The following SLC66A2 variants were observed in gnomAD, a reference collection of about 807,000 sequenced individuals.
The protein encoded by SLC66A2 is solute carrier family 66 member 2, also known as PQ loop repeat containing 1.
In SLC66A2, 23 loss-of-function variants were observed where a neutral mutation model predicts 25.5. The ratio of observed to expected loss-of-function variants is 0.90; its 90% CI spans 0.65 to 1.28. The LOEUF (loss-of-function observed/expected upper bound fraction) is 1.28. SLC66A2 is among the 50% of genes most tolerant of loss of function. SLC66A2 has a pLI of 0.00. For missense variants in SLC66A2, 396 were observed against 373.1 expected (o/e 1.06, Z -0.51); for synonymous variants, 193 against 166.5 (o/e 1.16, Z -1.23).
At chr18:79,933,616 A>G (rs1180399297) in intron 4 of SLC66A2, among the ~76,000 whole-genome samples, 1 of 152,240 alleles carries the variant, frequency 6.6e-6, no homozygotes, top group Non-Finnish European at 1.5e-5. Context: ...AACTGAAATT[A>G]AGAAAACAAT....
At position 79,919,587 on chromosome 18, in the gene SLC66A2, CG is replaced by C. The variant is rs59020604; in HGVS notation, c.392-188del. ...AGAGGTCAAGGTCAGTGAGGAGAGA[CG>C]GGAACCGAGGGAGAGGTCAAGGTCA... On this transcript the variant is annotated intron_variant, in intron 4 of 5. Transcript: ENST00000397778. 5.0e-4 allele frequency among the ~76,000 whole-genome samples: 3 copies of C among 6,012 alleles called. 1 individual carries two copies. The highest frequency in any genetic ancestry group is 5.3e-4 in the African/African-American group (3 of 5,712). 3.9% of individuals were successfully genotyped at this position (6,012 alleles called of 152,430 possible).
intron 4 of SLC66A2, among the ~76,000 whole-genome samples, chr18:79,922,857 A>G (rs1599571310): frequency 2.8e-4 from 2 of 7,066 alleles, no homozygotes; most frequent in African/African-American, 1.5e-3. Flanking sequence ...TGGTGAGGTT[A>G]GGGGGGCTTG....
intron 5 of SLC66A2, among the ~76,000 whole-genome samples, chr18:79,912,921 G>A (rs1983452115): frequency 6.6e-6 from 1 of 152,168 alleles, no homozygotes; most frequent in African/African-American, 2.4e-5. Context: ...ATAAGGAAAG[G>A]CACAGTGGGT....
At chr18:79,947,634 C>CA (rs2050975488) in intron 2 of SLC66A2, among the ~76,000 whole-genome samples, 1 of 144,838 alleles carries the variant, frequency 6.9e-6, no homozygotes, top group Non-Finnish European at 1.6e-5. Context: ...GAGCCTGCCC[C>CA]CGCCCCACCT....
At chr18:79,914,767 C>T (rs1283765797) in intron 5 of SLC66A2, among the ~76,000 whole-genome samples, 3 of 152,244 alleles carry the variant, frequency 2.0e-5, no homozygotes, top group Non-Finnish European at 2.9e-5. Context: ...CCCAAAGAGA[C>T]GGAGCTTCAG....
chr18:79,938,997 T>A (rs1363037397), intron 3 of SLC66A2, among the ~76,000 whole-genome samples: 3 of 152,212 alleles, frequency 2.0e-5, no homozygotes, highest in African/African-American at 7.2e-5. Flanking sequence ...TACTTTATAT[T>A]CTGTCTTCCC....
intron 2 of SLC66A2, among the ~76,000 whole-genome samples, chr18:79,948,289 G>A (rs1599671476): frequency 6.6e-6 from 1 of 152,210 alleles, no homozygotes; most frequent in African/African-American, 2.4e-5. Flanking sequence ...ATGACAAGAT[G>A]GCACCAGGAA....
chr18:79,904,597 C>T lies in SLC66A2; in HGVS notation c.609-414G>A, dbSNP rs1452117858. Among the ~76,000 whole-genome samples, 1 of 152,126 alleles carries T rather than the reference C, an allele frequency of 6.6e-6. No individual in the cohort carries two copies. Among genetic ancestry groups the T allele is most frequent in the Non-Finnish European group, 1.5e-5 (1 of 68,000 alleles). Reference sequence around the variant, plus strand: ...GGGCCCCTGGTGCGCGGTGGCAATTCTGGGAGGGGCCGGGCCTGGGAGGGT... The same window carrying T: ...GGGCCCCTGGTGCGCGGTGGCAATTTTGGGAGGGGCCGGGCCTGGGAGGGT... On this transcript the variant is annotated intron_variant, in intron 5 of 5. Transcript: ENST00000397778. The surrounding 1 kb of genome is among the most constrained non-coding windows in gnomAD (Gnocchi z 6.3).
intron 5 of SLC66A2, among the ~76,000 whole-genome samples, chr18:79,908,576 C>T (rs991505472): frequency 1.3e-5 from 2 of 152,164 alleles, no homozygotes; most frequent in Non-Finnish European, 2.9e-5. Flanking sequence ...TGGGTGTTTT[C>T]AGCCCTTATT....
At chr18:79,939,347 AGGCTCAAGAATGTACTT>A (rs1987427324) in intron 3 of SLC66A2, among the ~76,000 whole-genome samples, 1 of 152,196 alleles carries the variant, frequency 6.6e-6, no homozygotes, top group Non-Finnish European at 1.5e-5. Flanking sequence ...CCTCAGGGTG[AGGCTCAAGAATGTACTT>A]GGCAAAAGCA....
Position 79,935,828 on chromosome 18 carries a change from G to T in SLC66A2, c.338-1806C>A, listed in dbSNP as rs558044545. Among the ~76,000 whole-genome samples the T allele has an allele frequency of 4.6e-5, 7 of 152,316 alleles. No individual in the cohort carries two copies. In the South Asian group the frequency reaches 1.4e-3, roughly 32 times the overall value. ...AGAGAGAGAGAGAGAAAAAGCAAGA[G>T]AATGAGCTTCAAGGGCTGCAGCCCT... is the stretch of plus-strand genomic sequence containing the variant. On this transcript the variant is annotated intron_variant, in intron 3 of 5. Transcript: ENST00000397778.
chr18:79,935,933 C>T lies in SLC66A2; in HGVS notation c.338-1911G>A, dbSNP rs537319007. Among the ~76,000 whole-genome samples the T allele has an allele frequency of 2.0e-5, 3 of 152,374 alleles. No homozygotes were observed. In the East Asian group the frequency reaches 5.8e-4, roughly 29 times the overall value. On this transcript the variant is annotated intron_variant, in intron 3 of 5. Coordinates refer to ENST00000397778, the MANE Select transcript of SLC66A2 (RefSeq NM_025078.5). ...CCAAGCTCTGCCCAAAATGCACTCA[C>T]AAGCAAAATAATTGTTGTCCTTCCA...
chr18:79,944,636 CCT>C (rs1411601463), intron 2 of SLC66A2: 1 of 152,424 alleles, frequency 6.6e-6, no homozygotes, highest in African/African-American at 2.4e-5. Context: ...AGCCCCAACC[CCT>C]GACTGTTCCA....
At chr18:79,922,058 A>T (rs1278518358) in intron 4 of SLC66A2, among the ~76,000 whole-genome samples, 1 of 150,160 alleles carries the variant, frequency 6.7e-6, no homozygotes, top group East Asian at 1.9e-4. Context: ...GAGAGATGGG[A>T]ACTGAGCGAG....
rs766099297 is a variant in SLC66A2, at chr18:79,919,351, C to T, written c.441G>A (p.Val147=). 9 of 1,613,280 alleles carry T rather than the reference C, an allele frequency of 5.6e-6. No individual in the cohort carries two copies. In the South Asian group the frequency reaches 9.9e-5, roughly 18 times the overall value. The change falls in exon 5 of 6, where the codon GTG becomes GTA. Residue 147 remains valine (V), a synonymous_variant. Coordinates refer to ENST00000397778, the MANE Select transcript of SLC66A2 (RefSeq NM_025078.5). The part of the protein sequence containing the change: ...FWQWSSFSDY[V]QCVLAFTGVA... ...CGCCCGTGAAGGCCAGGACGCACTG[C>T]ACGTAGTCCGAGAAGCTGCTCCACT...
In SLC66A2 at chr18:79,918,727, CCTTCTACCA is replaced by C. The variant is rs1381844027; in HGVS notation, c.608+448_608+456del. 1.1e-4 allele frequency among the ~76,000 whole-genome samples: 16 copies of C among 152,226 alleles called. No homozygotes were observed. Among genetic ancestry groups the C allele is most frequent in the African/African-American group, 3.9e-4 (16 of 41,464 alleles). On this transcript the variant is annotated intron_variant, in intron 5 of 5. Coordinates refer to ENST00000397778, the MANE Select transcript of SLC66A2 (RefSeq NM_025078.5). The surrounding 1 kb of genome is among the most constrained non-coding windows in gnomAD (Gnocchi z 4.0). ...TGGTTCCGAACGTCAGCCTGCCCAG[CCTTCTACCA>C]CATACCTCAGAGGCCGGAGGCCGTG...
intron 4 of SLC66A2, among the ~76,000 whole-genome samples, chr18:79,924,475 GTGA>G (rs2144818008): frequency 6.6e-6 from 1 of 152,300 alleles, no homozygotes; most frequent in African/African-American, 2.4e-5. Flanking sequence ...TTCTTTGGGG[GTGA>G]TGAAAGGCCC....
At chr18:79,912,083 A>T (rs1303175192) in intron 5 of SLC66A2, among the ~76,000 whole-genome samples, 1 of 32,536 alleles carries the variant, frequency 3.1e-5, no homozygotes, top group Non-Finnish European at 7.7e-5. Flanking sequence ...CAGGGAGGGG[A>T]CAAGAGCAGG....
chr18:79,932,540 A>G (rs1159639015), intron 4 of SLC66A2, among the ~76,000 whole-genome samples: 1 of 152,132 alleles, frequency 6.6e-6, no homozygotes, highest in Non-Finnish European at 1.5e-5. Flanking sequence ...ATTTGACCAG[A>G]ACAAAAAATT....
Sources: allele counts gnomAD v4.1 joint callset (sites outside exome capture counted in the v4.1 genomes callset), GRCh38; gene constraint gnomAD v4.1.1; non-coding constraint Gnocchi (gnomAD v3.1); transcripts MANE v1.5; gene names NCBI Gene and HGNC (gene_info 2026-07-23, HGNC 2026-07-21).